Variants in MTNAP1 observed in about 807,000 individuals in gnomAD.
The protein encoded by MTNAP1 is mitochondrial nucleoid-associated protein 1.
At chr17:73,243,459 CG>C in the MTNAP1 span, among the ~76,000 whole-genome samples, 1 of 151,976 alleles carries the variant, frequency 6.6e-6, no homozygotes, top group South Asian at 2.1e-4. Context: ...TGGCAGGCTC[CG>C]GGGTTTTATT....
At chr17:73,240,952 C>T in the MTNAP1 span, among the ~76,000 whole-genome samples, 1 of 152,118 alleles carries the variant, frequency 6.6e-6, no homozygotes, top group Non-Finnish European at 1.5e-5. Context: ...CAGCATGATT[C>T]TTTTCATTGT....
chr17:73,245,425 A>G, the MTNAP1 span: 2 of 1,191,790 alleles, frequency 1.7e-6, no homozygotes, highest in African/African-American at 1.6e-5. Context: ...CTCAGGAGCA[A>G]CTGAGAATTA....
At chr17:73,236,809 C>A in the MTNAP1 span, 2 of 1,614,106 alleles carry the variant, frequency 1.2e-6, no homozygotes, top group Non-Finnish European at 1.7e-6. Context: ...TCCTCAGAGC[C>A]CCTTCACCAA....
chr17:73,245,380 CAGAT>C, the MTNAP1 span: 1 of 1,291,820 alleles, frequency 7.7e-7, no homozygotes, highest in Non-Finnish European at 9.9e-7. Context: ...TTAATATAGA[CAGAT>C]CTGGTTCTGT....
chr17:73,236,149 G>A, the MTNAP1 span: 54 of 1,614,030 alleles, frequency 3.3e-5, no homozygotes, highest in Middle Eastern at 6.6e-4. Flanking sequence ...ATTACTAGAT[G>A]TGCCTACTGG....
the MTNAP1 span, chr17:73,242,947 C>T: frequency 2.0e-5 from 33 of 1,613,882 alleles, no homozygotes; most frequent in South Asian, 2.2e-5. Context: ...GGTGGCATCA[C>T]GATGCTCTTC....
At chr17:73,240,429 G>A in the MTNAP1 span, among the ~76,000 whole-genome samples, 4 of 152,138 alleles carry the variant, frequency 2.6e-5, no homozygotes, top group African/African-American at 7.2e-5. Flanking sequence ...GAGACCCTAG[G>A]ATCAGGTCAA....
At chr17:73,247,553 G>A in the MTNAP1 span, 1 of 506,664 alleles carries the variant, frequency 2.0e-6, no homozygotes, top group Non-Finnish European at 3.5e-6. Context: ...ATAATGAAAA[G>A]GTTTAACTTA....
chr17:73,238,503 A>G, the MTNAP1 span, among the ~76,000 whole-genome samples: 182 of 152,376 alleles, frequency 1.2e-3, no homozygotes, highest in Admixed American at 1.6e-3. Context: ...TACTAAAAGC[A>G]GAACATTGCT....
At chr17:73,243,364 G>A in the MTNAP1 span, among the ~76,000 whole-genome samples, 1 of 151,916 alleles carries the variant, frequency 6.6e-6, no homozygotes, top group Admixed American at 6.6e-5. Context: ...ATGTGGGTCA[G>A]GCTGGTCTCG....
the MTNAP1 span, among the ~76,000 whole-genome samples, chr17:73,233,809 G>C: frequency 6.6e-6 from 1 of 151,978 alleles, no homozygotes; most frequent in Non-Finnish European, 1.5e-5. Context: ...GGAGGCTGAG[G>C]TTGCTGTGAG....
the MTNAP1 span, among the ~76,000 whole-genome samples, chr17:73,243,381 C>T: frequency 2.6e-5 from 4 of 151,820 alleles, no homozygotes; most frequent in Non-Finnish European, 4.4e-5. Flanking sequence ...CTCGAACTGC[C>T]GACCTCAGGT....
At chr17:73,232,723 G>A in the MTNAP1 span, 1 of 176,640 alleles carries the variant, frequency 5.7e-6, no homozygotes, top group Non-Finnish European at 1.2e-5. Flanking sequence ...CCGAGGTGAG[G>A]ACGGTGCTCT....
At chr17:73,241,699 G>A in the MTNAP1 span, among the ~76,000 whole-genome samples, 166 of 152,298 alleles carry the variant, frequency 1.1e-3, 1 homozygote, top group Non-Finnish European at 1.3e-3. Context: ...GGAGGCTGGG[G>A]CGGGCAGAAC....
At chr17:73,243,008 G>A in the MTNAP1 span, 1 of 1,604,906 alleles carries the variant, frequency 6.2e-7, no homozygotes, top group Non-Finnish European at 8.5e-7. Flanking sequence ...GTCTGAGTAA[G>A]TCTTTCTATA....
chr17:73,248,298 T>G, the MTNAP1 span: 1 of 592,100 alleles, frequency 1.7e-6, no homozygotes, highest in Non-Finnish European at 3.0e-6. Flanking sequence ...GCCAGTACGC[T>G]TCAGGTGTGA....
chr17:73,236,722 GA>G, the MTNAP1 span: 1 of 1,614,154 alleles, frequency 6.2e-7, no homozygotes, highest in Non-Finnish European at 8.5e-7. Flanking sequence ...GTTATCTCTG[GA>G]GCCCAAATCT....
At chr17:73,245,057 C>G in the MTNAP1 span, 1 of 998,614 alleles carries the variant, frequency 1.0e-6, no homozygotes, top group Non-Finnish European at 1.5e-6. Context: ...GCTTAATACT[C>G]TATTTCTAAA....
the MTNAP1 span, chr17:73,242,997 C>A: frequency 6.2e-7 from 1 of 1,611,678 alleles, no homozygotes; most frequent in Non-Finnish European, 8.5e-7. Context: ...GAGTTTCAGA[C>A]GTCTGAGTAA....
Sources: gnomAD v4.1 joint callset for allele counts (sites outside exome capture counted in the v4.1 genomes callset) on GRCh38, gnomAD v4.1.1 for gene constraint, MANE v1.5 for transcripts, NCBI Gene and HGNC (gene_info 2026-07-23, HGNC 2026-07-21) for gene names.